The following DCC variants were observed in gnomAD, a reference collection of about 807,000 sequenced individuals.
DCC encodes DCC netrin 1 receptor, also known as netrin receptor DCC.
In DCC, 58 loss-of-function variants were observed where a neutral mutation model predicts 172.5. The ratio of observed to expected loss-of-function variants is 0.34; its 90% CI spans 0.27 to 0.42. DCC has a LOEUF of 0.42. Among genes scored for constraint, DCC ranks in the 10% least tolerant of loss-of-function variants. The probability of loss-of-function intolerance (pLI) is 1.00; values close to 1 mark genes in which losing one functional copy is unlikely to be tolerated. For synonymous variants in DCC, 709 were observed against 644.5 expected (o/e 1.10, Z -1.52); for missense variants, 1,740 against 1,791.0 (o/e 0.97, Z 0.51).
intron 5 of DCC, among the ~76,000 whole-genome samples, chr18:52,927,947 C>T (rs62097870): frequency 4.6e-5 from 7 of 151,950 alleles, no homozygotes; most frequent in Non-Finnish European, 8.8e-5. Context: ...ATCATTCTAC[C>T]ATAAAGATAC....
intron 15 of DCC, among the ~76,000 whole-genome samples, chr18:53,370,843 G>C (rs1432702672): frequency 6.6e-6 from 1 of 151,668 alleles, no homozygotes; most frequent in African/African-American, 2.4e-5. Context: ...ACATATGCCT[G>C]TTAAATCTAG....
At chr18:53,090,694 C>CTAA (rs1365254449) in intron 7 of DCC, among the ~76,000 whole-genome samples, 2 of 18,366 alleles carry the variant, frequency 1.1e-4, no homozygotes, top group East Asian at 1.3e-3. Context: ...ACTCCGTCCC[C>CTAA]CAACAAAAAA....
chr18:52,436,476 T>C (rs948158235), intron 1 of DCC, among the ~76,000 whole-genome samples: 20 of 152,320 alleles, frequency 1.3e-4, no homozygotes, highest in African/African-American at 3.9e-4. Flanking sequence ...CCTGGAAAGC[T>C]TGTTACATAT....
chr18:52,992,435 T>G (rs2041408468), intron 5 of DCC, among the ~76,000 whole-genome samples: 1 of 152,180 alleles, frequency 6.6e-6, no homozygotes, highest in South Asian at 2.1e-4. Context: ...GAACAGGTTT[T>G]ATGCATATGA....
At chr18:53,512,347 C>G (rs1449312610) in intron 27 of DCC, among the ~76,000 whole-genome samples, 1 of 150,150 alleles carries the variant, frequency 6.7e-6, no homozygotes, top group East Asian at 2.0e-4. Context: ...TAGATAAAAC[C>G]ACAAAGATGG....
chr18:52,607,137 G>A (rs143367389), intron 1 of DCC, among the ~76,000 whole-genome samples: 72 of 152,122 alleles, frequency 4.7e-4, no homozygotes, highest in East Asian at 9.6e-4. Flanking sequence ...GCTCCCTATC[G>A]TCACTAACAG....
intron 5 of DCC, among the ~76,000 whole-genome samples, chr18:52,926,694 G>A (rs2040207236): frequency 6.6e-6 from 1 of 150,910 alleles, no homozygotes; most frequent in African/African-American, 2.4e-5. Flanking sequence ...TCAAATTAAT[G>A]CACATTATTT....
intron 7 of DCC, among the ~76,000 whole-genome samples, chr18:53,137,996 A>T (rs56320540): frequency 0.17 from 25,685 of 149,928 alleles, 2,754 homozygotes; most frequent in African/African-American, 0.31. Flanking sequence ...TTTTTTTTTT[A>T]AATTTTTGTT....
intron 5 of DCC, among the ~76,000 whole-genome samples, chr18:52,974,645 G>T (rs1455803130): frequency 6.6e-6 from 1 of 152,172 alleles, no homozygotes; most frequent in Non-Finnish European, 1.5e-5. Context: ...CTGAGCCCAC[G>T]TTGTAAGGAG....
At chr18:53,062,424 A>G (rs1228727413) in intron 5 of DCC, among the ~76,000 whole-genome samples, 2 of 152,254 alleles carry the variant, frequency 1.3e-5, no homozygotes, top group Non-Finnish European at 1.5e-5. Context: ...TCCATTTTCT[A>G]TGTGAAACAG....
At chr18:52,492,214 G>A (rs1370667204) in intron 1 of DCC, among the ~76,000 whole-genome samples, 7 of 151,940 alleles carry the variant, frequency 4.6e-5, no homozygotes, top group Admixed American at 3.9e-4. Flanking sequence ...AACTTGGGGG[G>A]TAGTGGGACT....
intron 1 of DCC, among the ~76,000 whole-genome samples, chr18:52,556,108 G>C (rs1339215063): frequency 6.6e-6 from 1 of 152,072 alleles, no homozygotes; most frequent in Non-Finnish European, 1.5e-5. Context: ...CCTAAGTCCA[G>C]GGAGAAGAAT....
chr18:52,396,087 C>G (rs1015562988), intron 1 of DCC, among the ~76,000 whole-genome samples: 2 of 151,976 alleles, frequency 1.3e-5, no homozygotes, highest in African/African-American at 4.8e-5. Context: ...CAAATGCAAA[C>G]ACTAATACTG....
At chr18:52,379,764 A>G (rs1985507809) in intron 1 of DCC, among the ~76,000 whole-genome samples, 1 of 152,178 alleles carries the variant, frequency 6.6e-6, no homozygotes, top group African/African-American at 2.4e-5. Context: ...GAAGCAGCTT[A>G]GAAATCTGGT....
chr18:52,385,363 C>T (rs533862674), intron 1 of DCC, among the ~76,000 whole-genome samples: 1 of 151,682 alleles, frequency 6.6e-6, no homozygotes, highest in African/African-American at 2.4e-5. Context: ...GCAACCTCTG[C>T]CTCCAGGTTT....
At chr18:52,936,694 CT>C (rs56009792) in intron 5 of DCC, among the ~76,000 whole-genome samples, 17,674 of 150,304 alleles carry the variant, frequency 0.12, 1,572 homozygotes, top group East Asian at 0.33. Flanking sequence ...AGGAGAACTG[CT>C]GACAGTGGTG....
At chr18:53,215,742 G>C (rs1015590893) in intron 12 of DCC, 145 bp downstream of exon 12, 23 of 742,560 alleles carry the variant, frequency 3.1e-5, no homozygotes, top group African/African-American at 1.5e-4. Context: ...AAGTGACATT[G>C]ATCCCACATC....
At chr18:53,475,587 A>G (rs1322056965) in intron 25 of DCC, among the ~76,000 whole-genome samples, 1 of 152,198 alleles carries the variant, frequency 6.6e-6, no homozygotes, top group Non-Finnish European at 1.5e-5. Context: ...AGTGCACAGA[A>G]GTCAAGAACT....
chr18:52,879,997 T>A, intron 2 of DCC, among the ~76,000 whole-genome samples: 1 of 152,202 alleles, frequency 6.6e-6, no homozygotes, highest in Non-Finnish European at 1.5e-5. Flanking sequence ...GGGATATTCA[T>A]CCCATCAAAG....
Sources: gnomAD v4.1 joint callset for allele counts (sites outside exome capture counted in the v4.1 genomes callset) on GRCh38, gnomAD v4.1.1 for gene constraint, MANE v1.5 for transcripts, NCBI Gene and HGNC (gene_info 2026-07-23, HGNC 2026-07-21) for gene names.